CFAP92: variants seen among roughly 807,000 people sequenced by gnomAD.
CFAP92 encodes the protein cilia and flagella associated protein 92 (putative).
Under a neutral mutation model 106.3 loss-of-function variants are expected in CFAP92, and 86 were observed. The ratio of observed to expected loss-of-function variants is 0.81; its 90% CI spans 0.68 to 0.97. CFAP92 has a LOEUF of 0.97. Ranked by LOEUF, CFAP92 falls within the 50% of genes least tolerant of loss-of-function variation. The pLI is 0.00. For missense variants in CFAP92, 1,204 were observed against 1,283.8 expected (o/e 0.94, Z 0.95); for synonymous variants, 477 against 506.4 (o/e 0.94, Z 0.78).
chr3:128,917,568 GAAC>G (rs1936922451), intron 12 of CFAP92, among the ~76,000 whole-genome samples: 1 of 152,282 alleles, frequency 6.6e-6, no homozygotes, highest in African/African-American at 2.4e-5. Context: ...GCCACAGACT[GAAC>G]AACTGAAGCT....
chr3:128,938,722 G>A (rs946924652), intron 10 of CFAP92, among the ~76,000 whole-genome samples: 15 of 151,972 alleles, frequency 9.9e-5, no homozygotes, highest in African/African-American at 2.9e-4. Flanking sequence ...TCCATCTCCT[G>A]ACCTGGTGAT....
At chr3:128,921,731 C>G (rs1937302178) in intron 12 of CFAP92, among the ~76,000 whole-genome samples, 1 of 152,200 alleles carries the variant, frequency 6.6e-6, no homozygotes, top group African/African-American at 2.4e-5. Flanking sequence ...CTAAATTTAG[C>G]AAAGATGGAC....
At chr3:129,006,875 C>T (rs1416069343), upstream of CFAP92, among the ~76,000 whole-genome samples, 1 of 152,006 alleles carries the variant, frequency 6.6e-6, no homozygotes, top group African/African-American at 2.4e-5. Flanking sequence ...ACTGACCTGC[C>T]CCAAAGCTCT....
Position 128,999,531 on chromosome 3 carries a change from CTTTTTTTTTTTTT to C in CFAP92, n.117+3030_117+3042del, listed in dbSNP as rs5852556. 7.0e-5 allele frequency among the ~76,000 whole-genome samples: 5 copies of C among 71,582 alleles called. No homozygotes were observed. The South Asian group carries it at 1.6e-3, about 23-fold the overall frequency. 47.0% of individuals were successfully genotyped at this position (71,582 alleles called of 152,430 possible). A position where few individuals can be genotyped will look rare whatever the true frequency, so the allele number is the denominator to read the frequency against. On this transcript the variant is annotated intron_variant and non_coding_transcript_variant, in intron 1 of 4. Transcript: ENST00000510149. The stretch of plus-strand genomic sequence containing the variant: ...GGCTGACATGAAATAAAATCAGGTT[CTTTTTTTTTTTTT>C]TTTTTTTTTTTTGAGACGGAGTCTC...
intron 7 of CFAP92, among the ~76,000 whole-genome samples, chr3:128,974,803 A>G (rs1943035971): frequency 6.6e-6 from 1 of 151,290 alleles, no homozygotes; most frequent in Non-Finnish European, 1.5e-5. Context: ...CCTGGGCAAT[A>G]GAGTGAGGCT....
chr3:129,014,104 C>A, the CFAP92 span, among the ~76,000 whole-genome samples: 1 of 152,228 alleles, frequency 6.6e-6, no homozygotes, highest in South Asian at 2.1e-4. The surrounding 1 kb of genome is among the most constrained non-coding windows in gnomAD (Gnocchi z 4.3). Flanking sequence ...TCAGAAATAA[C>A]CATTGGCTTT....
intron 2 of CFAP92, chr3:128,991,726 C>T: frequency 3.0e-6 from 3 of 1,016,054 alleles, no homozygotes; most frequent in Non-Finnish European, 3.5e-6. Flanking sequence ...CATGTTGCTC[C>T]ACACCGCCTC....
intron 15 of CFAP92, 180 bp downstream of exon 15, chr3:128,914,939 A>T: frequency 1.6e-6 from 1 of 622,992 alleles, no homozygotes; most frequent in Non-Finnish European, 2.7e-6. Context: ...TCCTGGTCTG[A>T]GTTCCAGCCC....
upstream of CFAP92, among the ~76,000 whole-genome samples, chr3:129,005,972 C>T (rs566418362): frequency 6.6e-6 from 1 of 152,372 alleles, no homozygotes; most frequent in South Asian, 2.1e-4. Flanking sequence ...TAGCAGAATG[C>T]TACAAGTGAC....
chr3:129,001,599 G>A, intron 1 of CFAP92: 1 of 1,354,976 alleles, frequency 7.4e-7, no homozygotes, highest in Non-Finnish European at 9.4e-7. Flanking sequence ...CCGGAGGAGG[G>A]ACCGGAGGAG....
At chr3:128,924,717 G>C (rs1473879694) in intron 12 of CFAP92, among the ~76,000 whole-genome samples, 1 of 152,116 alleles carries the variant, frequency 6.6e-6, no homozygotes, top group Non-Finnish European at 1.5e-5. Flanking sequence ...AAAGTGCTGG[G>C]ATTATAGGCG....
intron 1 of CFAP92, chr3:128,993,646 C>T: frequency 2.8e-6 from 1 of 357,410 alleles, no homozygotes; most frequent in Non-Finnish European, 5.4e-6. Context: ...GAGCAGCTCC[C>T]GGGAGCCACC....
At chr3:129,001,764 A>T in intron 1 of CFAP92, 1 of 1,542,398 alleles carries the variant, frequency 6.5e-7, no homozygotes, top group African/African-American at 1.4e-5. Context: ...CGGCGTGGAG[A>T]ACGAGATCGT....
chr3:128,993,421 A>C (rs1007628113), intron 1 of CFAP92, 85 bp from the exon 2 acceptor site: 2 of 1,388,816 alleles, frequency 1.4e-6, no homozygotes, highest in Non-Finnish European at 9.7e-7. Flanking sequence ...AGAAGCACCC[A>C]CCCTTCTCTT....
At chr3:129,007,078 C>T (rs967129034), upstream of CFAP92, among the ~76,000 whole-genome samples, 13 of 152,220 alleles carry the variant, frequency 8.5e-5, 1 homozygote, top group Non-Finnish European at 2.9e-5. Flanking sequence ...GGCACAGCGA[C>T]TTAGTGGCAA....
intron 12 of CFAP92, among the ~76,000 whole-genome samples, chr3:128,926,206 C>G (rs62265277): frequency 0.029 from 4,372 of 151,968 alleles, 107 homozygotes; most frequent in South Asian, 0.11. Flanking sequence ...GAGAGAGAGA[C>G]AGACATTAAA....
chr3:129,014,534 C>T, the CFAP92 span, among the ~76,000 whole-genome samples: 1 of 152,224 alleles, frequency 6.6e-6, no homozygotes, highest in African/African-American at 2.4e-5. This position sits in a 1 kb window ranked among gnomAD's most constrained non-coding sequence, Gnocchi z 4.3. Context: ...GATTAGGGCC[C>T]ACCCTAAAGA....
intron 6 of CFAP92, 36 bp downstream of exon 6, chr3:128,976,943 C>A: frequency 6.5e-7 from 1 of 1,539,084 alleles, no homozygotes; most frequent in Non-Finnish European, 9.0e-7. Flanking sequence ...AAGAGGGGCT[C>A]CACTCCCACC....
chr3:128,989,422 C>T (rs1944076980), intron 2 of CFAP92, among the ~76,000 whole-genome samples: 1 of 151,794 alleles, frequency 6.6e-6, no homozygotes, highest in Admixed American at 6.6e-5. Flanking sequence ...CCCAGGGGGA[C>T]CTTAGCAGAG....
Sources: allele counts gnomAD v4.1 joint callset (sites outside exome capture counted in the v4.1 genomes callset), GRCh38; gene constraint gnomAD v4.1.1; non-coding constraint Gnocchi (gnomAD v3.1); transcripts MANE v1.5; gene names NCBI Gene and HGNC (gene_info 2026-07-23, HGNC 2026-07-21).